The following CACUL1 variants were observed in gnomAD, a reference collection of about 807,000 sequenced individuals.
The protein encoded by CACUL1 is CDK2-associated and cullin domain-containing protein 1.
CACUL1 carries 13 observed loss-of-function variants against 45.2 expected under a neutral mutation model. The ratio of observed to expected loss-of-function variants is 0.29; its 90% CI spans 0.19 to 0.46. The LOEUF is 0.46. CACUL1 is among the 20% of genes least tolerant of loss of function. The probability of loss-of-function intolerance (pLI) is 1.00; values close to 1 mark genes in which losing one functional copy is unlikely to be tolerated. For synonymous variants in CACUL1, 197 were observed against 174.2 expected, an observed-to-expected ratio of 1.13 and a Z score of -1.03; for missense variants, 421 against 471.4, an observed-to-expected ratio of 0.89 and a Z score of 0.99.
At position 118,680,848 on chromosome 10, in the gene CACUL1, T is replaced by C. The variant is rs1845146506; in HGVS notation, c.*5280A>G. On this transcript the variant is annotated 3_prime_UTR_variant, in exon 9 of 9. Transcript: ENST00000369151. ...ACTGTGGTAACAGATGTGTGCTCAG[T>C]GTGGCTGTCATGTAGGAGGCAATAT... The C allele has an allele frequency of 1.3e-5, 2 of 152,218 alleles. 1 individual carries two copies. The allele number at this position is 152,218 out of a possible 1,614,324, so 9.4% of individuals were successfully genotyped here.
chr10:118,721,399 ACAGT>A (rs1422105422), intron 3 of CACUL1, among the ~76,000 whole-genome samples: 2 of 152,246 alleles, frequency 1.3e-5, no homozygotes, highest in African/African-American at 4.8e-5. Context: ...TATTAATTTG[ACAGT>A]CAACTTACTT....
At chr10:118,736,141 G>C (rs1360345586) in intron 1 of CACUL1, among the ~76,000 whole-genome samples, 1 of 152,158 alleles carries the variant, frequency 6.6e-6, no homozygotes, top group Non-Finnish European at 1.5e-5. Context: ...ATAACCTGAG[G>C]AATGGAAGGG....
rs554409068 is a variant in CACUL1 at position 118,734,762 on chromosome 10, A to G, written c.368-4352T>C. ...CCGCAAGGCTTAAACCTAGAAACAC[A>G]TATTTTTAAGATAATAAGCTCACAC... On this transcript the variant is annotated intron_variant, in intron 1 of 8. Transcript: ENST00000369151. 7.2e-5 allele frequency among the ~76,000 whole-genome samples: 11 copies of G among 152,376 alleles called. No homozygotes were observed. In the South Asian group the frequency reaches 1.9e-3, roughly 26 times the overall value.
chr10:118,733,044 G>T (rs1845711116), intron 1 of CACUL1, among the ~76,000 whole-genome samples: 1 of 152,054 alleles, frequency 6.6e-6, no homozygotes, highest in Admixed American at 6.6e-5. Context: ...TATCTTCTGG[G>T]CTCCTAAAAT....
intron 3 of CACUL1, among the ~76,000 whole-genome samples, chr10:118,725,241 G>A (rs1468710532): frequency 6.6e-6 from 1 of 152,212 alleles, no homozygotes; most frequent in Admixed American, 6.5e-5. Context: ...GCCAAGGCAG[G>A]AAGATCACTT....
At chr10:118,686,558 T>G in intron 8 of CACUL1, 40 bp downstream of exon 8, 1 of 1,511,096 alleles carries the variant, frequency 6.6e-7, no homozygotes, top group Non-Finnish European at 9.2e-7. Flanking sequence ...CTGCTTTACA[T>G]CACAGAACCA....
intron 3 of CACUL1, chr10:118,726,476 G>C (rs1435909375): frequency 2.7e-6 from 1 of 375,076 alleles, no homozygotes; most frequent in Non-Finnish European, 5.0e-6. Flanking sequence ...TAGTCAGACA[G>C]GGAAGCAGAA....
rs1005920107 is a variant in CACUL1 at position 118,754,646 on chromosome 10, C to T, written c.117G>A (p.Pro39=). 6.2e-7 allele frequency: 1 copy of T among 1,605,854 alleles called. No homozygotes were observed. Among genetic ancestry groups the T allele is most frequent in the Non-Finnish European group, 8.5e-7 (1 of 1,177,018 alleles). Residue 39 remains proline, a synonymous_variant, in exon 1 of 9, where the codon CCG becomes CCA. Coordinates refer to ENST00000369151, the MANE Select transcript of CACUL1 (RefSeq NM_153810.5). ...GGGCCGGGATCGACGAGGGGGGCGG[C>T]GGAGGTGGCAGGGGCTGCCGGAAGC... ...VDGFRQPLPP[P]PPPSSIPAPA...
At chr10:118,695,355 C>G (rs1845312599) in intron 5 of CACUL1, 125 bp from the exon 6 acceptor site, 2 of 626,486 alleles carry the variant, frequency 3.2e-6, no homozygotes, top group African/African-American at 3.7e-5. Flanking sequence ...TCCAATAAAC[C>G]AATCAAATGT....
At chr10:118,749,097 A>G (rs1258200638) in intron 1 of CACUL1, among the ~76,000 whole-genome samples, 1 of 152,204 alleles carries the variant, frequency 6.6e-6, no homozygotes, top group African/African-American at 2.4e-5. Context: ...AAGGTCCTTC[A>G]CCAACTGAGA....
rs553471627 is a variant in CACUL1 at position 118,738,163 on chromosome 10, A to G, written c.368-7753T>C. Among the ~76,000 whole-genome samples the G allele has an allele frequency of 7.4e-4, 113 of 152,348 alleles. 1 individual carries two copies. The highest frequency in any genetic ancestry group is 1.4e-3 in the Non-Finnish European group (97 of 68,032). On this transcript the variant is annotated intron_variant, in intron 1 of 8. Transcript: ENST00000369151. ...ACAAACCTTGCCCTGTAGGCCCCTG[A>G]GAAGATCAGGACTTGAGGACATAAT...
rs1589599618 is a variant in CACUL1, at chr10:118,684,949, T to C, written c.*1179A>G. The C allele has an allele frequency of 6.6e-6, 1 of 152,236 alleles. No individual in the cohort carries two copies. Among genetic ancestry groups the C allele is most frequent in the Admixed American group, 6.5e-5 (1 of 15,280 alleles). 9.4% of individuals were successfully genotyped at this position (152,236 alleles called of 1,614,324 possible). A position where few individuals can be genotyped will look rare whatever the true frequency, so the allele number is the denominator to read the frequency against. On this transcript the variant is annotated 3_prime_UTR_variant, in exon 9 of 9. Coordinates refer to ENST00000369151, the MANE Select transcript of CACUL1 (RefSeq NM_153810.5). Reference sequence around the variant, plus strand: ...CTAGAATAAGCTTCAGAAACTTTTATGATGGACTAAAAAGCACTGTGGATG... The same window carrying C: ...CTAGAATAAGCTTCAGAAACTTTTACGATGGACTAAAAAGCACTGTGGATG...
intron 1 of CACUL1, among the ~76,000 whole-genome samples, chr10:118,751,512 T>C (rs1164458058): frequency 6.6e-6 from 1 of 152,188 alleles, no homozygotes; most frequent in Non-Finnish European, 1.5e-5. Flanking sequence ...GTTCCCAACT[T>C]TTATACATGT....
At chr10:118,743,116 T>C (rs991948336) in intron 1 of CACUL1, among the ~76,000 whole-genome samples, 1 of 151,892 alleles carries the variant, frequency 6.6e-6, no homozygotes, top group African/African-American at 2.4e-5. Context: ...GCAGATTAGA[T>C]ACTAAAAAAG....
At chr10:118,712,540 A>C (rs1455674657) in intron 3 of CACUL1, among the ~76,000 whole-genome samples, 1 of 152,228 alleles carries the variant, frequency 6.6e-6, no homozygotes, top group Non-Finnish European at 1.5e-5. Flanking sequence ...ACCAGAAGAA[A>C]AGGTACGCAG....
rs1845169010 is a variant in CACUL1, at chr10:118,683,057, A to AG, written c.*3070dup. 6.6e-6 allele frequency: 1 copy of AG among 152,240 alleles called. No individual in the cohort carries two copies. The highest frequency in any genetic ancestry group is 1.5e-5 in the Non-Finnish European group (1 of 68,042). 9.4% of individuals were successfully genotyped at this position (152,240 alleles called of 1,614,324 possible). ...AACAGTAGTTAATTCCTGTCAGGTT[A>AG]GGGTACAGGTGTGACAACAAAAGGT... On this transcript the variant is annotated 3_prime_UTR_variant, in exon 9 of 9. Coordinates refer to ENST00000369151, the MANE Select transcript of CACUL1 (RefSeq NM_153810.5).
intron 5 of CACUL1, among the ~76,000 whole-genome samples, chr10:118,698,749 C>T (rs1201515953): frequency 1.3e-5 from 2 of 152,184 alleles, no homozygotes; most frequent in Non-Finnish European, 2.9e-5. Context: ...CCAAGCCCTC[C>T]CAAACTGCAG....
chr10:118,743,799 G>GA (rs889642177), intron 1 of CACUL1, among the ~76,000 whole-genome samples: 9 of 149,504 alleles, frequency 6.0e-5, no homozygotes, highest in Admixed American at 1.3e-4. Context: ...ATTTATAGAA[G>GA]AAAAAAAAAG....
Position 118,754,442 on chromosome 10 carries a change from G to T in CACUL1, c.321C>A (p.Pro107=). 6.4e-7 allele frequency: 1 copy of T among 1,570,102 alleles called. No homozygotes were observed. Among genetic ancestry groups the T allele is most frequent in the Admixed American group, 1.9e-5 (1 of 52,242 alleles). Residue 107 remains proline (P), a synonymous_variant, in exon 1 of 9, where the codon CCC becomes CCA. Transcript: ENST00000369151. ...TGATGTTGATGGTGGAGCTGGCGGT[G>T]GGGGCGGGGGCCGCCTTGGCCACGG... is the stretch of plus-strand genomic sequence containing the variant. ...AAAVAKAAPA[P]TASSTININT... is the part of the protein sequence containing the mutation.
Sources: gnomAD v4.1 joint callset for allele counts (sites outside exome capture counted in the v4.1 genomes callset) on GRCh38, gnomAD v4.1.1 for gene constraint, MANE v1.5 for transcripts, NCBI Gene and HGNC (gene_info 2026-07-23, HGNC 2026-07-21) for gene names.